The following BTN3A1 variants were observed in gnomAD, a reference collection of about 807,000 sequenced individuals.
BTN3A1 encodes butyrophilin subfamily 3 member A1.
BTN3A1 carries 24 observed loss-of-function variants against 43.0 expected under a neutral mutation model. The ratio of observed to expected loss-of-function variants is 0.56; its 90% CI spans 0.40 to 0.78. The LOEUF (loss-of-function observed/expected upper bound fraction) is 0.78, where lower values mean the gene tolerates loss of function less well. BTN3A1 is among the 30% of genes least tolerant of loss of function. BTN3A1 has a pLI of 0.00. For missense variants in BTN3A1, 533 were observed against 626.2 expected (o/e 0.85, Z 1.59); for synonymous variants, 181 against 234.7 (o/e 0.77, Z 2.09).
At chr6:26,411,937 G>T in intron 9 of BTN3A1, 1 of 255,040 alleles carries the variant, frequency 3.9e-6, no homozygotes, top group Non-Finnish European at 7.4e-6. Flanking sequence ...AAAGAACTTA[G>T]TCCTTCCCAG....
chr6:26,412,101 T>G, intron 9 of BTN3A1: 1 of 277,118 alleles, frequency 3.6e-6, no homozygotes, highest in Non-Finnish European at 6.8e-6. Flanking sequence ...TCAAAAACCT[T>G]AAGAAGGAGA....
chr6:26,407,638 C>T, intron 3 of BTN3A1, 33 bp from the exon 4 acceptor site: 2 of 1,607,596 alleles, frequency 1.2e-6, no homozygotes, highest in Non-Finnish European at 1.7e-6. Flanking sequence ...ATACAGGCCT[C>T]TCAAGAATTT....
At chr6:26,409,504 C>A (rs1403209608) in intron 4 of BTN3A1, 29 bp from the exon 5 acceptor site, 1 of 1,610,106 alleles carries the variant, frequency 6.2e-7, no homozygotes, top group African/African-American at 1.3e-5. Flanking sequence ...TGCACCGGCC[C>A]CCATGACCCA....
At chr6:26,411,956 T>C (rs2113807873) in intron 9 of BTN3A1, 1 of 239,300 alleles carries the variant, frequency 4.2e-6, no homozygotes, top group South Asian at 1.1e-4. Context: ...AGACTTCTCA[T>C]GCCACCTACT....
At chr6:26,412,295 CT>C in intron 9 of BTN3A1, 1 of 607,002 alleles carries the variant, frequency 1.6e-6, no homozygotes, top group Non-Finnish European at 3.0e-6. Flanking sequence ...AAAGAGAGGG[CT>C]CCCTGAGAAG....
Position 26,409,877 on chromosome 6 carries a change from T to A in BTN3A1, c.917-17T>A. On this transcript the variant is annotated splice_polypyrimidine_tract_variant and intron_variant, in intron 5 of 9. Coordinates refer to ENST00000289361, the MANE Select transcript of BTN3A1 (RefSeq NM_007048.6). ...CTCACCTGTAACAGTTCATTATTAT[T>A]TCTGCTTATTTTCCAGTGAAGCTCC... 6.2e-7 allele frequency: 1 copy of A among 1,614,164 alleles called. No homozygotes were observed. Among genetic ancestry groups the A allele is most frequent in the South Asian group, 1.1e-5 (1 of 91,078 alleles).
At position 26,405,389 on chromosome 6, in the gene BTN3A1, G is replaced by A. The variant is rs772604904; in HGVS notation, c.-175G>A. 1 of 618,858 alleles carries A rather than the reference G, an allele frequency of 1.6e-6. No individual in the cohort carries two copies. The highest frequency in any genetic ancestry group is 2.0e-5 in the South Asian group (1 of 50,776). The allele number at this position is 618,858 out of a possible 1,614,324, so 38.3% of individuals were successfully genotyped here. The stretch of plus-strand genomic sequence containing the variant: ...TTTTACAGGTGATTTTCAATGTTGG[G>A]ACTCAAAGGTGAAGACACTGAAGGA... On this transcript the variant is annotated 5_prime_UTR_variant, in exon 2 of 10. Coordinates refer to ENST00000289361, the MANE Select transcript of BTN3A1 (RefSeq NM_007048.6).
chr6:26,412,463 T>C (rs1762252758), intron 9 of BTN3A1: 1 of 1,499,876 alleles, frequency 6.7e-7, no homozygotes, highest in Admixed American at 2.0e-5. Context: ...GGGAGCCCAG[T>C]GGCACTGTCT....
At position 26,409,791 on chromosome 6, in the gene BTN3A1, C is replaced by T. The variant is rs1003218019; in HGVS notation, c.916+58C>T. 5.6e-6 allele frequency: 9 copies of T among 1,602,996 alleles called. No individual in the cohort carries two copies. In the Admixed American group the frequency reaches 1.3e-4, roughly 24 times the overall value. On this transcript the variant is annotated intron_variant, in intron 5 of 9. Transcript: ENST00000289361. ...GGCTTACGGGCCAAAGCCCAAAGAC[C>T]TCACGCCCATCCCCACCGCAGAGCT... is the stretch of plus-strand genomic sequence containing the variant.
In BTN3A1 at chr6:26,405,455, A is replaced by T; in HGVS notation, c.-109A>T. The T allele has an allele frequency of 9.3e-7, 1 of 1,076,478 alleles. No individual in the cohort carries two copies. The highest frequency in any genetic ancestry group is 1.6e-5 in the African/African-American group (1 of 64,006). The allele number at this position is 1,076,478 out of a possible 1,614,324, so 66.7% of individuals were successfully genotyped here. A position where few individuals can be genotyped will look rare whatever the true frequency, so the allele number is the denominator to read the frequency against. ...AGGAAAGATCTTCTTCGGTCACCAT[A>T]CTTGAGTTAGCTCTAGGGAAGTGGA... On this transcript the variant is annotated 5_prime_UTR_variant, in exon 2 of 10. Coordinates refer to ENST00000289361, the MANE Select transcript of BTN3A1 (RefSeq NM_007048.6).
At chr6:26,402,828 C>T (rs1015884928) in intron 1 of BTN3A1, among the ~76,000 whole-genome samples, 45 of 152,156 alleles carry the variant, frequency 3.0e-4, no homozygotes, top group African/African-American at 1.0e-3. Flanking sequence ...ATACAACAGG[C>T]GGGGGATAGA....
chr6:26,414,174 A>C lies in BTN3A1; in HGVS notation c.*482A>C. 1 of 182,690 alleles carries C rather than the reference A, an allele frequency of 5.5e-6. No individual in the cohort carries two copies. Among genetic ancestry groups the C allele is most frequent in the South Asian group, 1.1e-4 (1 of 9,128 alleles). The allele number at this position is 182,690 out of a possible 1,614,324, so 11.3% of individuals were successfully genotyped here. ...GGTAGTCTCATTTAGCAAGTATGGA[A>C]GTTGAGGCAGGGCAACATTAAGCAA... On this transcript the variant is annotated 3_prime_UTR_variant, in exon 10 of 10. Coordinates refer to ENST00000289361, the MANE Select transcript of BTN3A1 (RefSeq NM_007048.6).
chr6:26,410,365 G>A (rs1762168573), intron 7 of BTN3A1, among the ~76,000 whole-genome samples: 1 of 152,086 alleles, frequency 6.6e-6, no homozygotes, highest in Non-Finnish European at 1.5e-5. Context: ...GCCCTGCAAA[G>A]CACTGAGGAA....
Position 26,411,567 on chromosome 6 carries a change from C to T in BTN3A1, c.1004C>T (p.Ala335Val), listed in dbSNP as rs574630664. ...TCCTTCCTTTCAGAATGGAAAAAGG[C>T]CCTCTTCAAGCCTGGTGAGTAAATC... ...RHSAYNEWKK[A>V]LFKPADVILD... Residue 335 changes from alanine to valine, a missense_variant, in exon 9 of 10, where the codon GCC (alanine) becomes GTC (valine). Ala to Val is a moderately conservative substitution (Grantham distance 64). Around this residue, in one of 4 missense-constraint regions of BTN3A1, gnomAD observed 415 missense variants for 427.0 expected, o/e 0.97. Transcript: ENST00000289361. 2 of 1,613,584 alleles carry T rather than the reference C, an allele frequency of 1.2e-6. No individual in the cohort carries two copies. Among genetic ancestry groups the T allele is most frequent in the Admixed American group, 3.3e-5 (2 of 59,932 alleles).
intron 9 of BTN3A1, chr6:26,412,812 A>T: frequency 6.5e-7 from 1 of 1,550,114 alleles, no homozygotes; most frequent in Non-Finnish European, 8.7e-7. Context: ...GGTCGAATGA[A>T]GGTTGAAAAT....
At chr6:26,410,999 G>GGAAAAAAAAAAAAAAA (rs1561847979) in intron 7 of BTN3A1, 110 bp from the exon 8 acceptor site, 1 of 566,872 alleles carries the variant, frequency 1.8e-6, no homozygotes, top group African/African-American at 3.1e-5. Context: ...GATACAGGTG[G>GGAAAAAAAAAAAAAAA]TAAAAAAAAA....
intron 1 of BTN3A1, among the ~76,000 whole-genome samples, chr6:26,403,236 T>G (rs1372551865): frequency 6.6e-6 from 1 of 151,982 alleles, no homozygotes; most frequent in Non-Finnish European, 1.5e-5. Context: ...CAGCTAGTTT[T>G]TGTATTTTTA....
rs10946822 is a variant in BTN3A1, at chr6:26,414,450, G to C, written c.*758G>C. On this transcript the variant is annotated 3_prime_UTR_variant, in exon 10 of 10. Coordinates refer to ENST00000289361, the MANE Select transcript of BTN3A1 (RefSeq NM_007048.6). The stretch of plus-strand genomic sequence containing the variant: ...CAGCACGCCTTGGATTAGCTCTGCA[G>C]AGTGTCTTGGTTGAGAGAATAACCT... 0.099 allele frequency: 15,106 copies of C among 152,740 alleles called. 901 individuals carry two copies. The highest frequency in any genetic ancestry group is 0.12 in the Non-Finnish European group (8,106 of 68,416). 9.5% of individuals were successfully genotyped at this position (152,740 alleles called of 1,614,324 possible). A position where few individuals can be genotyped will look rare whatever the true frequency, so the allele number is the denominator to read the frequency against.
At chr6:26,403,718 T>C (rs1191988402) in intron 1 of BTN3A1, among the ~76,000 whole-genome samples, 1 of 152,174 alleles carries the variant, frequency 6.6e-6, no homozygotes, top group Non-Finnish European at 1.5e-5. Context: ...GAGATGGGGT[T>C]TCATTATGTT....
Sources: gnomAD v4.1 joint callset for allele counts (sites outside exome capture counted in the v4.1 genomes callset) on GRCh38, gnomAD v4.1.1 for gene constraint, gnomAD v4.1.1 regional missense constraint, MANE v1.5 for transcripts, NCBI Gene and HGNC (gene_info 2026-07-23, HGNC 2026-07-21) for gene names.